The following ROBO2 variants were observed in gnomAD, a reference collection of about 807,000 sequenced individuals.
ROBO2 encodes the protein roundabout homolog 2.
Under a neutral mutation model 160.8 loss-of-function variants are expected in ROBO2, and 53 were observed. That is an observed-to-expected ratio of 0.33 (90% CI 0.26 to 0.41). ROBO2 has a LOEUF of 0.41. Among genes scored for constraint, ROBO2 ranks in the 10% least tolerant of loss-of-function variants. The pLI is 1.00. For synonymous variants in ROBO2, 664 were observed against 611.7 expected, an observed-to-expected ratio of 1.09 and a Z score of -1.26; for missense variants, 1,577 against 1,722.4, an observed-to-expected ratio of 0.92 and a Z score of 1.49.
At chr3:77,093,410 T>G (rs1184415282) in intron 1 of ROBO2, among the ~76,000 whole-genome samples, 1 of 152,150 alleles carries the variant, frequency 6.6e-6, no homozygotes, top group Non-Finnish European at 1.5e-5. Context: ...TCAGCTTTAT[T>G]TTTTGACCAA....
intron 8 of ROBO2, among the ~76,000 whole-genome samples, 154 bp from the exon 10 acceptor site, chr3:77,557,790 A>G (rs1361217597): frequency 6.6e-6 from 1 of 151,988 alleles, no homozygotes; most frequent in African/African-American, 2.4e-5. Context: ...TGATAGATTT[A>G]GAATATACAT....
Position 76,269,474 on chromosome 3 carries a change from C to T in ROBO2, c.109+331872C>T, listed in dbSNP as rs1342715442. Among the ~76,000 whole-genome samples, 7 of 151,864 alleles carry T rather than the reference C, an allele frequency of 4.6e-5. No homozygotes were observed. The South Asian group carries it at 1.0e-3, about 23-fold the overall frequency. ...CAAATATATGTAAACCAAAATCCCC[C>T]ACTAGATGATGAACTTCTGAATGGA... On this transcript the variant is annotated intron_variant, in intron 2 of 26. Transcript: ENST00000487694.
chr3:77,178,067 G>A (rs1339853569), intron 2 of ROBO2, among the ~76,000 whole-genome samples: 1 of 151,932 alleles, frequency 6.6e-6, no homozygotes, highest in Non-Finnish European at 1.5e-5. Flanking sequence ...GAAAGAGCTC[G>A]ATTGAAGGCA....
chr3:76,087,298 T>G (rs1372459413), intron 2 of ROBO2, among the ~76,000 whole-genome samples: 2 of 151,938 alleles, frequency 1.3e-5, no homozygotes, highest in East Asian at 3.9e-4. Flanking sequence ...TTATAAAAGA[T>G]CAAAGAAAAA....
intron 13 of ROBO2, among the ~76,000 whole-genome samples, chr3:77,569,328 C>T (rs1472314106): frequency 2.6e-5 from 4 of 151,988 alleles, no homozygotes; most frequent in African/African-American, 4.8e-5. Flanking sequence ...CACATCCTTG[C>T]CAACACTTAT....
intron 1 of ROBO2, among the ~76,000 whole-genome samples, chr3:77,052,958 C>T (rs1019427784): frequency 1.7e-4 from 26 of 152,122 alleles, no homozygotes; most frequent in Non-Finnish European, 3.1e-4. Flanking sequence ...CTGTGAATTA[C>T]AAAGAAGTTG....
At chr3:77,642,205 G>T (rs1249656136) in intron 24 of ROBO2, among the ~76,000 whole-genome samples, 6 of 152,132 alleles carry the variant, frequency 3.9e-5, no homozygotes, top group Non-Finnish European at 5.9e-5. Flanking sequence ...CATATGACAC[G>T]GCATACAGTT....
At chr3:76,940,106 C>T (rs1244484533) in intron 2 of ROBO2, among the ~76,000 whole-genome samples, 2 of 151,562 alleles carry the variant, frequency 1.3e-5, no homozygotes, top group Non-Finnish European at 2.9e-5. Flanking sequence ...CTCAGCCTCC[C>T]GAGTAGCTGG....
intron 2 of ROBO2, among the ~76,000 whole-genome samples, chr3:76,956,474 G>T (rs867981551): frequency 2.0e-5 from 3 of 150,984 alleles, no homozygotes; most frequent in South Asian, 4.2e-4. Context: ...GGAGAATGGC[G>T]TGAATCCAGG....
intron 2 of ROBO2, among the ~76,000 whole-genome samples, chr3:76,399,461 T>C (rs191587133): frequency 1.3e-5 from 2 of 151,896 alleles, no homozygotes; most frequent in Admixed American, 6.6e-5. Flanking sequence ...TCTGAAACTA[T>C]ACTATGATGT....
chr3:76,862,374 A>G (rs1469997298), intron 2 of ROBO2, among the ~76,000 whole-genome samples: 7 of 152,124 alleles, frequency 4.6e-5, no homozygotes, highest in African/African-American at 1.7e-4. Context: ...TAACAGATAA[A>G]TTATCAGGAG....
At chr3:77,036,580 G>A (rs564546544), upstream of ROBO2, among the ~76,000 whole-genome samples, 21 of 152,098 alleles carry the variant, frequency 1.4e-4, no homozygotes, top group African/African-American at 4.3e-4. Context: ...CCAAATTAGG[G>A]ATAATGACAG....
intron 2 of ROBO2, among the ~76,000 whole-genome samples, chr3:76,677,674 T>C (rs2092444806): frequency 6.6e-6 from 1 of 152,016 alleles, no homozygotes; most frequent in South Asian, 2.1e-4. Context: ...CACAATATTT[T>C]GCCTGCTCTG....
intron 2 of ROBO2, among the ~76,000 whole-genome samples, chr3:77,012,233 C>T (rs1234252501): frequency 6.6e-6 from 1 of 152,072 alleles, no homozygotes; most frequent in Non-Finnish European, 1.5e-5. Flanking sequence ...CTACAGCATA[C>T]CCTGGAATAA....
At chr3:76,529,216 TAGAC>T (rs2082102060) in intron 2 of ROBO2, among the ~76,000 whole-genome samples, 1 of 152,086 alleles carries the variant, frequency 6.6e-6, no homozygotes, top group Admixed American at 6.6e-5. Flanking sequence ...TTACCAAAGA[TAGAC>T]AGCAAAAGAG....
intron 2 of ROBO2, among the ~76,000 whole-genome samples, chr3:77,234,732 A>C (rs2087704325): frequency 6.6e-6 from 1 of 152,220 alleles, no homozygotes; most frequent in Non-Finnish European, 1.5e-5. Context: ...TTTCTTGGCA[A>C]GTCATCAGAT....
intron 2 of ROBO2, among the ~76,000 whole-genome samples, chr3:77,305,230 A>T (rs541403698): frequency 6.6e-6 from 1 of 152,372 alleles, no homozygotes; most frequent in Non-Finnish European, 1.5e-5. Flanking sequence ...TAAAATGTGC[A>T]ATAAACACCT....
chr3:76,294,239 A>G (rs1224374952), intron 2 of ROBO2, among the ~76,000 whole-genome samples: 2 of 152,054 alleles, frequency 1.3e-5, no homozygotes, highest in African/African-American at 4.8e-5. Flanking sequence ...AGATGCCTGG[A>G]TCTGCAGCTG....
intron 2 of ROBO2, among the ~76,000 whole-genome samples, chr3:77,116,633 G>A (rs2074231529): frequency 6.6e-6 from 1 of 152,142 alleles, no homozygotes; most frequent in Non-Finnish European, 1.5e-5. Context: ...TCTAAACATT[G>A]CTTTTCTAAT....
Sources: allele counts gnomAD v4.1 joint callset (sites outside exome capture counted in the v4.1 genomes callset), GRCh38; gene constraint gnomAD v4.1.1; transcripts MANE v1.5; gene names NCBI Gene and HGNC (gene_info 2026-07-23, HGNC 2026-07-21).